CPAMD8: variants seen among roughly 807,000 people sequenced by gnomAD.
CPAMD8 encodes C3 and PZP-like alpha-2-macroglobulin domain-containing protein 8.
A neutral mutation model predicts 224.7 loss-of-function variants in CPAMD8; 146 were observed. That is an observed-to-expected ratio of 0.65 (90% CI 0.57 to 0.75). The LOEUF (loss-of-function observed/expected upper bound fraction) is 0.75, where lower values mean the gene tolerates loss of function less well. Among genes scored for constraint, CPAMD8 ranks in the 30% least tolerant of loss-of-function variants. CPAMD8 has a pLI of 0.00. For missense variants in CPAMD8, 2,301 were observed against 2,537.5 expected (o/e 0.91, Z 2.00); for synonymous variants, 966 against 1,044.6 (o/e 0.92, Z 1.45).
intron 17 of CPAMD8, among the ~76,000 whole-genome samples, chr19:16,974,163 G>A (rs1225972276): frequency 2.7e-5 from 4 of 150,854 alleles, no homozygotes; most frequent in Admixed American, 6.6e-5. Flanking sequence ...ACGGAGTCTC[G>A]CTCTGTCGCC....
intron 30 of CPAMD8, 122 bp from the exon 31 acceptor site, chr19:16,904,674 T>C: frequency 5.6e-6 from 4 of 719,240 alleles, no homozygotes. Context: ...GGGAGAAGAG[T>C]ATCAGGGGAA....
chr19:16,914,493 C>T lies in CPAMD8; in HGVS notation c.3792G>A (p.Gly1264=). 1.2e-6 allele frequency: 2 copies of T among 1,614,084 alleles called. No individual in the cohort carries two copies. The highest frequency in any genetic ancestry group is 8.5e-7 in the Non-Finnish European group (1 of 1,179,950). The change falls in exon 29 of 42, where the codon GGG becomes GGA. Residue 1264 remains glycine, a synonymous_variant. Coordinates refer to ENST00000443236, the MANE Select transcript of CPAMD8 (RefSeq NM_015692.5). ...CTGTCAGCGGGACAGTGCCGTGGAT[C>T]CCACCCTGCAAGGGGACTCACAGGC... ...GRVLNKDIQG[G]IHGTVPLTAY... is the part of the protein sequence containing the mutation.
Position 16,928,002 on chromosome 19 carries a change from G to A in CPAMD8, c.3370+7C>T. ...CCTCTCCAAGCCAGGCTGTGGGACA[G>A]ACGCACCGATGATGGAGGCGGTGGC... is the stretch of plus-strand genomic sequence containing the variant. On this transcript the variant is annotated splice_region_variant and intron_variant, in intron 25 of 41. Coordinates refer to ENST00000443236, the MANE Select transcript of CPAMD8 (RefSeq NM_015692.5). 6.2e-7 allele frequency: 1 copy of A among 1,602,164 alleles called. No homozygotes were observed.
rs1323312636 is a variant in CPAMD8, at chr19:16,906,966, A to T, written c.4013T>A (p.Leu1338Gln). The T allele has an allele frequency of 1.3e-6, 2 of 1,590,188 alleles. No individual in the cohort carries two copies. Among genetic ancestry groups the T allele is most frequent in the African/African-American group, 2.7e-5 (2 of 74,826 alleles). The change falls in exon 30 of 42, where the codon CTG becomes CAG. Residue 1338 changes from leucine to glutamine, a missense_variant. Physicochemically the swap from Leu to Gln is moderately radical, Grantham distance 113. Coordinates refer to ENST00000443236, the MANE Select transcript of CPAMD8 (RefSeq NM_015692.5). ...GGGACACCTACCTCGCATGATGGCC[A>T]GGCTACGGAGCTTGCGCAGTGCCTC... ...APEALRKLRS[L>Q]AIMRDGVTHW...
intron 1 of CPAMD8, among the ~76,000 whole-genome samples, chr19:17,022,791 G>A (rs930988772): frequency 3.9e-5 from 6 of 152,038 alleles, no homozygotes; most frequent in African/African-American, 1.4e-4. Context: ...GATCCACCAC[G>A]CCTGGCCCTT....
chr19:17,003,180 G>C lies in CPAMD8; in HGVS notation c.674-830C>G, dbSNP rs144862257. ...AGCCTCCCAAAGTGCTGGGATTACAGACGTTAGCTGCCATGCCTGGCCACC... is the reference window on the plus strand; with the variant it reads ...AGCCTCCCAAAGTGCTGGGATTACACACGTTAGCTGCCATGCCTGGCCACC... On this transcript the variant is annotated intron_variant, in intron 8 of 41. Coordinates refer to ENST00000443236, the MANE Select transcript of CPAMD8 (RefSeq NM_015692.5). Among the ~76,000 whole-genome samples the C allele has an allele frequency of 6.1e-3, 930 of 151,616 alleles. 16 individuals are homozygous for C. Among genetic ancestry groups the C allele is most frequent in the African/African-American group, 0.022 (899 of 41,384 alleles).
At chr19:16,914,387 C>G (rs780695359) in intron 29 of CPAMD8, 37 bp downstream of exon 29, 1 of 1,586,422 alleles carries the variant, frequency 6.3e-7, no homozygotes. Flanking sequence ...CCTCCAGTGC[C>G]CAGCCCCGAG....
intron 13 of CPAMD8, among the ~76,000 whole-genome samples, chr19:16,986,973 T>G (rs975606856): frequency 1.3e-5 from 2 of 151,332 alleles, no homozygotes; most frequent in Admixed American, 6.6e-5. Flanking sequence ...CTGGTCAACA[T>G]GGTGAAACCC....
intron 29 of CPAMD8, among the ~76,000 whole-genome samples, chr19:16,909,870 T>C (rs558991456): frequency 1.3e-5 from 2 of 152,224 alleles, no homozygotes; most frequent in South Asian, 4.1e-4. Flanking sequence ...TTGTTTGTTT[T>C]TAAAACAATC....
chr19:16,985,639 G>T (rs1224380606), intron 13 of CPAMD8, among the ~76,000 whole-genome samples: 1 of 150,678 alleles, frequency 6.6e-6, no homozygotes, highest in East Asian at 2.0e-4. Context: ...GGCGCAGAGG[G>T]AGGGTGGATG....
chr19:16,964,333 C>T (rs896876108), intron 18 of CPAMD8, among the ~76,000 whole-genome samples: 3 of 151,866 alleles, frequency 2.0e-5, no homozygotes, highest in South Asian at 2.1e-4. Context: ...ATCAAATAGA[C>T]GCAATAAAAA....
intron 16 of CPAMD8, 80 bp from the exon 17 acceptor site, chr19:16,975,338 T>C (rs2055224944): frequency 8.8e-7 from 1 of 1,133,096 alleles, no homozygotes; most frequent in Non-Finnish European, 1.3e-6. Context: ...TGTGGCATGC[T>C]CCCATCCCAA....
At chr19:16,996,912 G>C (rs536682431) in intron 11 of CPAMD8, among the ~76,000 whole-genome samples, 199 bp downstream of exon 11, 18 of 152,106 alleles carry the variant, frequency 1.2e-4, no homozygotes, top group African/African-American at 4.3e-4. Flanking sequence ...CTGTCCAAGT[G>C]GAATAGAGTA....
In CPAMD8 at chr19:17,011,712, G is replaced by T. The variant is rs531505285; in HGVS notation, c.313C>A (p.Arg105Ser). The T allele has an allele frequency of 4.3e-6, 7 of 1,614,000 alleles. No homozygotes were observed. In the East Asian group the frequency reaches 1.6e-4, roughly 36 times the overall value. ...RGQALLKVWG[R>S]GWQAEEGPLF... ...GGCCCCTCCTCCGCCTGCCAGCCGC[G>T]GCCCCACACTTTCAGAAGCGCTTGG... The change falls in exon 4 of 42, where the codon CGC becomes AGC. Residue 105 changes from arginine to serine, a missense_variant. Coordinates refer to ENST00000443236, the MANE Select transcript of CPAMD8 (RefSeq NM_015692.5).
At chr19:16,921,071 C>T (rs2053156880) in intron 27 of CPAMD8, among the ~76,000 whole-genome samples, 2 of 152,036 alleles carry the variant, frequency 1.3e-5, no homozygotes, top group African/African-American at 2.4e-5. Flanking sequence ...GGGACTAGAG[C>T]TGGGACAGTG....
In CPAMD8 at chr19:16,916,132, G is replaced by A. The variant is rs556404673; in HGVS notation, c.3630-1319C>T. On this transcript the variant is annotated intron_variant, in intron 27 of 41. Transcript: ENST00000443236. ...CAGCTCAAGCGATTCTCCCACTTCA[G>A]CCTCCCAAGTAGCTGGGACTACAGG... Among the ~76,000 whole-genome samples the A allele has an allele frequency of 7.2e-5, 11 of 152,010 alleles. No homozygotes were observed. The South Asian group carries it at 2.1e-3, about 29-fold the overall frequency.
At position 17,004,473 on chromosome 19, in the gene CPAMD8, C is replaced by T. The variant is rs2056427827; in HGVS notation, c.560-87G>A. ...AGAGGGAGCCAGGACCCTGCTCCTT[C>T]TCCTTCCCTGAGCAGCCCCCCAGGA... On this transcript the variant is annotated intron_variant, in intron 7 of 41. Transcript: ENST00000443236. The T allele has an allele frequency of 3.6e-6, 3 of 833,076 alleles. No homozygotes were observed. In the South Asian group the frequency reaches 4.5e-5, roughly 13 times the overall value. The allele number at this position is 833,076 out of a possible 1,614,324, so 51.6% of individuals were successfully genotyped here.
rs865952384 is a variant in CPAMD8, at chr19:16,897,730, C to G, written c.5026G>C (p.Ala1676Pro). ...GGGGCGCGCTCCACTTCGTTGCACG[C>G]GGGTCCGGCGCACAGTTCCCGGGCG... ...PLARELCAGPACNEVERAPAR... is the reference protein window; with the variant it reads ...PLARELCAGPPCNEVERAPAR... Residue 1676 changes from alanine to proline, a missense_variant, in exon 39 of 42, where the codon GCG becomes CCG. Coordinates refer to ENST00000443236, the MANE Select transcript of CPAMD8 (RefSeq NM_015692.5). 2 of 1,568,868 alleles carry G rather than the reference C, an allele frequency of 1.3e-6. No individual in the cohort carries two copies. The highest frequency in any genetic ancestry group is 2.3e-5 in the South Asian group (2 of 85,282).
rs147094577 is a variant in CPAMD8 at position 16,968,798 on chromosome 19, C to T, written c.2213+2093G>A. On this transcript the variant is annotated intron_variant, in intron 18 of 41. Transcript: ENST00000443236. ...GGGACTACAGGCATGAGCCACCACA[C>T]ATGGTTAATTTTTGTATTTGTGTAG... Among the ~76,000 whole-genome samples the T allele has an allele frequency of 4.7e-3, 713 of 152,216 alleles. 3 individuals are homozygous for T. The highest frequency in any genetic ancestry group is 7.2e-3 in the Non-Finnish European group (493 of 68,016).
Sources: gnomAD v4.1 joint callset for allele counts (sites outside exome capture counted in the v4.1 genomes callset) on GRCh38, gnomAD v4.1.1 for gene constraint, MANE v1.5 for transcripts, NCBI Gene and HGNC (gene_info 2026-07-23, HGNC 2026-07-21) for gene names.